PARVA: variants seen among roughly 807,000 people sequenced by gnomAD.
PARVA encodes the protein alpha-parvin.
PARVA carries 25 observed loss-of-function variants against 52.6 expected under a neutral mutation model. The ratio of observed to expected loss-of-function variants is 0.48; its 90% CI spans 0.35 to 0.66. The LOEUF is 0.66. Ranked by LOEUF, PARVA falls within the 30% of genes least tolerant of loss-of-function variation. PARVA has a pLI of 0.01. For synonymous variants in PARVA, 185 were observed against 179.1 expected (o/e 1.03, Z -0.26); for missense variants, 373 against 450.9 (o/e 0.83, Z 1.56).
intron 1 of PARVA, among the ~76,000 whole-genome samples, chr11:12,467,769 A>G (rs896340941): frequency 6.6e-6 from 1 of 152,216 alleles, no homozygotes; most frequent in Admixed American, 6.5e-5. Context: ...AGGAGAAAGA[A>G]CATCCTGGTT....
chr11:12,504,769 A>ATGTGGGTGTG (rs1554901948), intron 6 of PARVA, among the ~76,000 whole-genome samples: 2 of 24,668 alleles, frequency 8.1e-5, no homozygotes, highest in Non-Finnish European at 2.0e-4. Context: ...GAGGAAAGGT[A>ATGTGGGTGTG]TGTGGGTGTG....
chr11:12,445,948 T>C (rs1223602525), intron 1 of PARVA, among the ~76,000 whole-genome samples: 2 of 152,194 alleles, frequency 1.3e-5, no homozygotes, highest in Admixed American at 1.3e-4. Context: ...TTAAATAGTA[T>C]TCTTATCCCA....
intron 4 of PARVA, among the ~76,000 whole-genome samples, chr11:12,483,370 C>G (rs572559201): frequency 1.3e-5 from 2 of 152,114 alleles, no homozygotes; most frequent in South Asian, 4.1e-4. Flanking sequence ...GAGTAGGGCA[C>G]GTAAGAGGGG....
At chr11:12,503,402 G>A (rs1316250713) in intron 5 of PARVA, among the ~76,000 whole-genome samples, 1 of 152,178 alleles carries the variant, frequency 6.6e-6, no homozygotes, top group Non-Finnish European at 1.5e-5. Flanking sequence ...GAGCAGACAT[G>A]CTTATGGTGA....
At chr11:12,519,742 C>T (rs1008947877) in intron 12 of PARVA, among the ~76,000 whole-genome samples, 11 of 152,210 alleles carry the variant, frequency 7.2e-5, no homozygotes, top group Non-Finnish European at 1.6e-4. Flanking sequence ...GACTCGTTAT[C>T]TATTGACTCT....
At chr11:12,482,133 G>A (rs1292599292) in intron 4 of PARVA, among the ~76,000 whole-genome samples, 1 of 147,664 alleles carries the variant, frequency 6.8e-6, no homozygotes, top group Non-Finnish European at 1.5e-5. Context: ...TCCAGCCTGG[G>A]CAGCAAGAAC....
intron 1 of PARVA, among the ~76,000 whole-genome samples, chr11:12,426,282 G>A (rs1220134718): frequency 6.6e-6 from 1 of 152,178 alleles, no homozygotes; most frequent in African/African-American, 2.4e-5. Context: ...TGTGAAGCTG[G>A]GTGAAGAAGC....
intron 5 of PARVA, among the ~76,000 whole-genome samples, chr11:12,502,438 C>A (rs1372784161): frequency 6.6e-6 from 1 of 151,882 alleles, no homozygotes; most frequent in Non-Finnish European, 1.5e-5. Context: ...CCTTAAATGC[C>A]CCCTGTAATG....
intron 1 of PARVA, among the ~76,000 whole-genome samples, chr11:12,467,508 G>T (rs927418797): frequency 6.6e-6 from 1 of 152,124 alleles, no homozygotes; most frequent in African/African-American, 2.4e-5. Context: ...AGGCTGTAGG[G>T]TTTAATTTTT....
At chr11:12,518,740 C>T (rs1941602913) in intron 12 of PARVA, among the ~76,000 whole-genome samples, 1 of 152,180 alleles carries the variant, frequency 6.6e-6, no homozygotes, top group African/African-American at 2.4e-5. Context: ...TGCGTGGGAT[C>T]GCGGGGATCA....
intron 1 of PARVA, among the ~76,000 whole-genome samples, chr11:12,462,904 T>C (rs929501103): frequency 6.6e-6 from 1 of 152,202 alleles, no homozygotes. Flanking sequence ...TAGTCATCTT[T>C]GGGCTTTGCC....
rs554895043 is a variant in PARVA at position 12,471,163 on chromosome 11, T to C, written c.137-2582T>C. 5.3e-5 allele frequency among the ~76,000 whole-genome samples: 8 copies of C among 152,268 alleles called. No individual in the cohort carries two copies. The South Asian group carries it at 1.5e-3, about 28-fold the overall frequency. On this transcript the variant is annotated intron_variant, in intron 1 of 12. Transcript: ENST00000334956. ...GATAAGAATAAAGAACAGGTTCATT[T>C]TAGTGCTGGTATGGTGGGTATGAGG... is the stretch of plus-strand genomic sequence containing the variant.
chr11:12,513,973 G>A, intron 9 of PARVA, 24 bp from the exon 10 acceptor site: 1 of 1,609,104 alleles, frequency 6.2e-7, no homozygotes, highest in South Asian at 1.1e-5. Flanking sequence ...CCCCAGCTTA[G>A]GGCCTGCTTT....
At chr11:12,431,523 C>G (rs1940317005) in intron 1 of PARVA, among the ~76,000 whole-genome samples, 1 of 152,204 alleles carries the variant, frequency 6.6e-6, no homozygotes, top group African/African-American at 2.4e-5. Context: ...GTTCTTGCCC[C>G]ACATTTTCAG....
chr11:12,386,964 A>G (rs1939580487), intron 1 of PARVA, among the ~76,000 whole-genome samples: 1 of 152,204 alleles, frequency 6.6e-6, no homozygotes, highest in Non-Finnish European at 1.5e-5. Context: ...GGACACCTCC[A>G]TATTAGGAAT....
intron 3 of PARVA, among the ~76,000 whole-genome samples, chr11:12,474,814 A>AAAG (rs1280844509): frequency 5.9e-5 from 9 of 151,926 alleles, no homozygotes; most frequent in African/African-American, 2.2e-4. Flanking sequence ...AAAAATACAA[A>AAAG]AAGTAGCCAA....
chr11:12,397,340 G>T (rs1306249610), intron 1 of PARVA, among the ~76,000 whole-genome samples: 1 of 152,184 alleles, frequency 6.6e-6, no homozygotes, highest in South Asian at 2.1e-4. Flanking sequence ...TGGGGCTACA[G>T]GCATGAGCCA....
intron 1 of PARVA, among the ~76,000 whole-genome samples, chr11:12,467,734 T>TCTCACTGGGG (rs1015758713): frequency 6.6e-6 from 1 of 152,200 alleles, no homozygotes; most frequent in Admixed American, 6.5e-5. Context: ...AGCCTAAACA[T>TCTCACTGGGG]CTCACTGGGG....
chr11:12,501,827 T>TA (rs954707731), intron 5 of PARVA, among the ~76,000 whole-genome samples: 1 of 152,214 alleles, frequency 6.6e-6, no homozygotes, highest in Non-Finnish European at 1.5e-5. Flanking sequence ...ATGCTTATGG[T>TA]ATAGCTCTGC....
Sources: allele counts gnomAD v4.1 joint callset (sites outside exome capture counted in the v4.1 genomes callset), GRCh38; gene constraint gnomAD v4.1.1; transcripts MANE v1.5; gene names NCBI Gene and HGNC (gene_info 2026-07-23, HGNC 2026-07-21).